The following PCSK6 variants were observed in gnomAD, a reference collection of about 807,000 sequenced individuals.
The protein encoded by PCSK6 is proprotein convertase subtilisin/kexin type 6, also known as paired basic amino acid cleaving enzyme 4.
Under a neutral mutation model 123.3 loss-of-function variants are expected in PCSK6, and 85 were observed. The ratio of observed to expected loss-of-function variants is 0.69; its 90% CI spans 0.58 to 0.83. PCSK6 has a LOEUF of 0.83. PCSK6 is among the 40% of genes least tolerant of loss of function. PCSK6 has a pLI of 0.00. For missense variants in PCSK6, 1,191 were observed against 1,282.3 expected (o/e 0.93, Z 1.09); for synonymous variants, 508 against 516.0 (o/e 0.98, Z 0.21).
At chr15:101,334,887 G>A (rs1360009241) in intron 13 of PCSK6, among the ~76,000 whole-genome samples, 1 of 152,206 alleles carries the variant, frequency 6.6e-6, no homozygotes, top group Admixed American at 6.5e-5. Flanking sequence ...CATGGGAGGA[G>A]GCTGGACTGG....
chr15:101,385,048 G>C (rs1017281243), intron 9 of PCSK6, among the ~76,000 whole-genome samples: 1 of 152,118 alleles, frequency 6.6e-6, no homozygotes, highest in East Asian at 1.9e-4. Context: ...ACAGGGTCTC[G>C]CCCTGTTGCC....
rs187800190 is a variant in PCSK6, at chr15:101,364,927, A to G, written c.1858+1269T>C. 3.7e-5 allele frequency: 27 copies of G among 736,874 alleles called. No individual in the cohort carries two copies. In the African/African-American group the frequency reaches 4.6e-4, roughly 13 times the overall value. The allele number at this position is 736,874 out of a possible 1,614,324, so 45.6% of individuals were successfully genotyped here. ...AACTTACTACAAAGCTACAGTGATCAAAACAATATGGTACTGACTCCAAGA... is the reference window on the plus strand; with the variant it reads ...AACTTACTACAAAGCTACAGTGATCGAAACAATATGGTACTGACTCCAAGA... On this transcript the variant is annotated intron_variant, in intron 13 of 21. Transcript: ENST00000611716.
chr15:101,314,104 A>C (rs2039933630), intron 19 of PCSK6, among the ~76,000 whole-genome samples: 1 of 152,210 alleles, frequency 6.6e-6, no homozygotes, highest in African/African-American at 2.4e-5. Context: ...TGGTGTTGAC[A>C]GGTGTTTGGT....
At position 101,444,928 on chromosome 15, in the gene PCSK6, A is replaced by C. The variant is rs565631023; in HGVS notation, c.298-1268T>G. On this transcript the variant is annotated intron_variant, in intron 1 of 21. Coordinates refer to ENST00000611716, the MANE Select transcript of PCSK6 (RefSeq NM_002570.5). ...GCAGGAGTGCAAGAGAGAGCCTCCC[A>C]GCCCCTTTGCTTCCCTTCAGTTCTC... 1.4e-4 allele frequency among the ~76,000 whole-genome samples: 21 copies of C among 152,282 alleles called. No homozygotes were observed. The South Asian group carries it at 4.1e-3, about 30-fold the overall frequency.
chr15:101,374,947 A>G (rs1405351053), intron 11 of PCSK6, among the ~76,000 whole-genome samples: 1 of 150,692 alleles, frequency 6.6e-6, no homozygotes, highest in Non-Finnish European at 1.5e-5. Flanking sequence ...TTTTCCTCAC[A>G]TGAAATTACT....
intron 1 of PCSK6, among the ~76,000 whole-genome samples, chr15:101,476,493 C>T (rs1439190232): frequency 6.6e-6 from 1 of 150,606 alleles, no homozygotes; most frequent in Admixed American, 6.6e-5. Flanking sequence ...CCAAGACGTC[C>T]CACTGTTAGT....
chr15:101,469,990 C>T (rs188993326), intron 1 of PCSK6, among the ~76,000 whole-genome samples: 1 of 152,168 alleles, frequency 6.6e-6, no homozygotes, highest in African/African-American at 2.4e-5. Flanking sequence ...GGCAACAACA[C>T]GCGCTGAGTG....
At chr15:101,338,805 G>A (rs2141383347) in intron 13 of PCSK6, among the ~76,000 whole-genome samples, 1 of 152,302 alleles carries the variant, frequency 6.6e-6, no homozygotes, top group Non-Finnish European at 1.5e-5. Flanking sequence ...AAACACTTGG[G>A]CCAGCACTGC....
rs113250020 is a variant in PCSK6, at chr15:101,453,587, G to A, written c.298-9927C>T. Among the ~76,000 whole-genome samples the A allele has an allele frequency of 1.9e-3, 291 of 152,244 alleles. 3 individuals are homozygous for A. The highest frequency in any genetic ancestry group is 6.8e-3 in the Middle Eastern group (2 of 294). On this transcript the variant is annotated intron_variant, in intron 1 of 21. Transcript: ENST00000611716. ...AAGCCAGCATTTGGATCCGACATGC[G>A]CTCTCCCGAGTTTTTAATAATGGCA...
intron 13 of PCSK6, among the ~76,000 whole-genome samples, chr15:101,333,436 A>G (rs542644809): frequency 1.3e-5 from 2 of 152,236 alleles, no homozygotes; most frequent in Non-Finnish European, 2.9e-5. Flanking sequence ...TGCTGGCTCA[A>G]TGTCTCTGTT....
intron 7 of PCSK6, among the ~76,000 whole-genome samples, chr15:101,395,183 G>A (rs948505466): frequency 1.3e-5 from 2 of 152,174 alleles, no homozygotes; most frequent in Admixed American, 6.5e-5. Context: ...TTGTCCTTTT[G>A]CAAGGTGGAG....
intron 13 of PCSK6, among the ~76,000 whole-genome samples, chr15:101,354,064 T>C (rs2040970921): frequency 6.6e-6 from 1 of 152,196 alleles, no homozygotes; most frequent in African/African-American, 2.4e-5. Flanking sequence ...AGGTCCGCAA[T>C]GACCAGTGGT....
intron 7 of PCSK6, among the ~76,000 whole-genome samples, chr15:101,397,520 G>T (rs1378518942): frequency 1.3e-5 from 2 of 152,098 alleles, no homozygotes; most frequent in Admixed American, 6.5e-5. Context: ...CCCACAGGAG[G>T]AGTCAGAGAA....
At chr15:101,438,095 T>C (rs2056653252) in intron 2 of PCSK6, among the ~76,000 whole-genome samples, 1 of 152,154 alleles carries the variant, frequency 6.6e-6, no homozygotes, top group African/African-American at 2.4e-5. Context: ...CGCCGTAATC[T>C]CAGTCTTCCA....
chr15:101,335,708 T>C (rs775166353), intron 13 of PCSK6, among the ~76,000 whole-genome samples: 3 of 152,240 alleles, frequency 2.0e-5, no homozygotes, highest in South Asian at 2.1e-4. Context: ...CCCCTACTCA[T>C]GGACGTTTAG....
intron 1 of PCSK6, among the ~76,000 whole-genome samples, chr15:101,451,901 T>C (rs895525431): frequency 6.6e-6 from 1 of 152,240 alleles, no homozygotes; most frequent in African/African-American, 2.4e-5. Flanking sequence ...ACTGGACCTA[T>C]ATTTAGCCAG....
chr15:101,429,296 A>T (rs1294418432), intron 5 of PCSK6, among the ~76,000 whole-genome samples: 1 of 152,188 alleles, frequency 6.6e-6, no homozygotes, highest in South Asian at 2.1e-4. Flanking sequence ...TACACTGCAA[A>T]GTCACCTGGG....
At chr15:101,445,657 T>G (rs1186286914) in intron 1 of PCSK6, among the ~76,000 whole-genome samples, 1 of 152,248 alleles carries the variant, frequency 6.6e-6, no homozygotes, top group East Asian at 1.9e-4. Flanking sequence ...AGTCTCAACT[T>G]GCCGCAGTGT....
intron 1 of PCSK6, among the ~76,000 whole-genome samples, chr15:101,450,390 A>C (rs2057003991): frequency 6.6e-6 from 1 of 151,664 alleles, no homozygotes; most frequent in Non-Finnish European, 1.5e-5. Flanking sequence ...AAGTCCCCTC[A>C]ACTCCTACTC....
Sources: allele counts gnomAD v4.1 joint callset (sites outside exome capture counted in the v4.1 genomes callset), GRCh38; gene constraint gnomAD v4.1.1; transcripts MANE v1.5; gene names NCBI Gene and HGNC (gene_info 2026-07-23, HGNC 2026-07-21).